TBC1D1: variants seen among roughly 807,000 people sequenced by gnomAD.
The protein encoded by TBC1D1 is TBC1 (tre-2/USP6, BUB2, cdc16) domain family, member 1.
Under a neutral mutation model 125.6 loss-of-function variants are expected in TBC1D1, and 89 were observed. That is an observed-to-expected ratio of 0.71 (90% CI 0.60 to 0.85). The LOEUF (loss-of-function observed/expected upper bound fraction) is 0.85, where lower values mean the gene tolerates loss of function less well. TBC1D1 is among the 40% of genes least tolerant of loss of function. TBC1D1 has a pLI of 0.00. For missense variants in TBC1D1, 1,377 were observed against 1,469.2 expected (o/e 0.94, Z 1.03); for synonymous variants, 565 against 564.1 (o/e 1.00, Z -0.02).
chr4:38,076,156 T>TA (rs1465473990), intron 12 of TBC1D1, among the ~76,000 whole-genome samples: 3 of 152,274 alleles, frequency 2.0e-5, no homozygotes, highest in East Asian at 3.9e-4. Flanking sequence ...TCAGGAAACT[T>TA]ACAATCGTGG....
At chr4:38,113,711 A>T (rs1039617368) in intron 15 of TBC1D1, among the ~76,000 whole-genome samples, 2 of 152,212 alleles carry the variant, frequency 1.3e-5, no homozygotes, top group African/African-American at 2.4e-5. Context: ...TTTTGAGACT[A>T]TGAGGAAACC....
At chr4:37,974,851 G>A (rs544728585) in intron 2 of TBC1D1, among the ~76,000 whole-genome samples, 7 of 152,312 alleles carry the variant, frequency 4.6e-5, no homozygotes, top group Admixed American at 2.6e-4. Context: ...GAGCCACCAC[G>A]CCCAGCCTCT....
chr4:38,116,034 C>G, intron 16 of TBC1D1, 80 bp downstream of exon 18: 5 of 1,494,088 alleles, frequency 3.3e-6, no homozygotes, highest in Non-Finnish European at 4.6e-6. Context: ...GCCTCAGGAG[C>G]TTTTTCACCG....
rs1237376497 is a variant in TBC1D1 at position 38,089,975 on chromosome 4, A to T, written c.2094A>T (p.Glu698Asp). Residue 698 changes from glutamate to aspartate, a missense_variant, in exon 13 of 20, where the codon GAA (glutamate) becomes GAT (aspartate). Physicochemically the swap from Glu to Asp is conservative, Grantham distance 45. This residue lies in a region of TBC1D1 where 543 missense variants were observed against 613.5 expected (regional missense o/e 0.89). Transcript: ENST00000261439. The stretch of plus-strand genomic sequence containing the variant: ...AGCTTCCCCCACGATCTCCTTTAGA[A>T]CCAGTTTGTGAAGATGGGCCCTTTG... 6.2e-7 allele frequency: 1 copy of T among 1,613,598 alleles called. No individual in the cohort carries two copies.
intron 12 of TBC1D1, among the ~76,000 whole-genome samples, chr4:38,065,537 A>G (rs979495380): frequency 9.2e-5 from 14 of 152,220 alleles, no homozygotes; most frequent in Non-Finnish European, 1.8e-4. Flanking sequence ...TTTGCAATGA[A>G]GCGCATCAGA....
chr4:38,051,736 C>T (rs540091416), intron 11 of TBC1D1, among the ~76,000 whole-genome samples, 163 bp from the exon 12 acceptor site: 1 of 152,252 alleles, frequency 6.6e-6, no homozygotes, highest in South Asian at 2.1e-4. Flanking sequence ...TGCCAGAGAG[C>T]GAGCAGAGAT....
intron 12 of TBC1D1, among the ~76,000 whole-genome samples, chr4:38,089,408 C>T (rs1388301625): frequency 6.6e-6 from 1 of 152,196 alleles, no homozygotes; most frequent in Non-Finnish European, 1.5e-5. Flanking sequence ...TAAGAATGCA[C>T]ATGAAAGCCA....
intron 2 of TBC1D1, among the ~76,000 whole-genome samples, chr4:37,989,275 A>C (rs61632493): frequency 0.094 from 14,355 of 152,206 alleles, 1,484 homozygotes; most frequent in East Asian, 0.54. Context: ...ACTTATTTCT[A>C]TTGATTCCAG....
intron 18 of TBC1D1, among the ~76,000 whole-genome samples, chr4:38,132,451 G>A (rs1765743303): frequency 2.0e-5 from 3 of 152,190 alleles, no homozygotes; most frequent in Middle Eastern, 3.2e-3. Context: ...TTTTTCACAC[G>A]TGTGGTGTTT....
In TBC1D1 at chr4:37,961,699, G is replaced by A. The variant is rs1270936361; in HGVS notation, c.418-52810G>A. ...GAGCTGCTATTCATTATACATGTTA[G>A]TGGTTTTGCTCTTTCTACTGAAAGT... On this transcript the variant is annotated intron_variant, in intron 2 of 19. Coordinates refer to ENST00000261439, the MANE Select transcript of TBC1D1 (RefSeq NM_015173.4). Among the ~76,000 whole-genome samples, 5 of 152,290 alleles carry A rather than the reference G, an allele frequency of 3.3e-5. 1 individual carries two copies. In the East Asian group the frequency reaches 9.7e-4, roughly 29 times the overall value.
intron 7 of TBC1D1, among the ~76,000 whole-genome samples, chr4:38,029,355 A>G (rs543174708): frequency 6.6e-6 from 1 of 151,990 alleles, no homozygotes; most frequent in Admixed American, 6.6e-5. Flanking sequence ...AAATGAAAGG[A>G]TTGTCTCTCT....
intron 6 of TBC1D1, among the ~76,000 whole-genome samples, chr4:38,024,045 G>T (rs1744604161): frequency 1.3e-5 from 2 of 151,982 alleles, no homozygotes; most frequent in Non-Finnish European, 1.5e-5. Flanking sequence ...AATGGTATCT[G>T]GTTTCCCTTT....
intron 10 of TBC1D1, among the ~76,000 whole-genome samples, chr4:38,049,174 G>A (rs941717119): frequency 6.6e-6 from 1 of 152,200 alleles, no homozygotes; most frequent in Non-Finnish European, 1.5e-5. Context: ...AATCTCAACA[G>A]TAGATCAGAT....
At chr4:38,117,958 C>G in intron 16 of TBC1D1, 75 bp from the exon 19 acceptor site, 1 of 1,369,356 alleles carries the variant, frequency 7.3e-7, no homozygotes, top group African/African-American at 1.4e-5. Flanking sequence ...TTACACCCAC[C>G]CTGTGAGCAG....
intron 2 of TBC1D1, chr4:37,952,017 A>G (rs1293030436): frequency 4.2e-6 from 3 of 717,688 alleles, no homozygotes; most frequent in South Asian, 3.0e-5. Flanking sequence ...GCTCATCATC[A>G]CTGTAGGGGA....
chr4:38,051,766 A>C (rs1750596243), intron 11 of TBC1D1, 133 bp from the exon 12 acceptor site: 1 of 788,648 alleles, frequency 1.3e-6, no homozygotes, highest in East Asian at 2.7e-5. Context: ...GAGTGGAAGA[A>C]GTCCTCCACT....
chr4:37,954,032 T>C (rs1430256436), intron 2 of TBC1D1, among the ~76,000 whole-genome samples: 1 of 152,152 alleles, frequency 6.6e-6, no homozygotes, highest in Non-Finnish European at 1.5e-5. Flanking sequence ...CAGAGATACT[T>C]AGATATCTCA....
chr4:38,113,554 C>T (rs752031122), intron 15 of TBC1D1, among the ~76,000 whole-genome samples: 6 of 152,222 alleles, frequency 3.9e-5, no homozygotes, highest in Non-Finnish European at 8.8e-5. Flanking sequence ...CCTGCATATT[C>T]TGCTACCAGC....
chr4:38,105,913 T>C (rs1327158499), intron 15 of TBC1D1, among the ~76,000 whole-genome samples: 2 of 152,172 alleles, frequency 1.3e-5, no homozygotes, highest in Admixed American at 1.3e-4. Context: ...AGTACATGTG[T>C]CTTTTTGGTA....
Sources: allele counts gnomAD v4.1 joint callset (sites outside exome capture counted in the v4.1 genomes callset), GRCh38; gene constraint gnomAD v4.1.1; regional missense constraint gnomAD v4.1.1; transcripts MANE v1.5; gene names NCBI Gene and HGNC (gene_info 2026-07-23, HGNC 2026-07-21).